Variants in SLC22A25 observed in about 807,000 individuals in gnomAD.
The protein encoded by SLC22A25 is MGI:2442751, MGI:2385316, MGI:3042283, MGI:3645714, MGI:3605624, MGI:2442750.
SLC22A25 carries 44 observed loss-of-function variants against 45.9 expected under a neutral mutation model. The observed-to-expected ratio is 0.96, with a 90% CI of 0.75 to 1.23. The LOEUF is 1.23. Ranked by LOEUF, SLC22A25 falls within the 50% of genes most tolerant of loss-of-function variation. SLC22A25 has a pLI of 0.00. For missense variants in SLC22A25, 800 were observed against 666.4 expected (o/e 1.20, Z -2.21); for synonymous variants, 283 against 238.6 (o/e 1.19, Z -1.72).
Position 63,166,173 on chromosome 11 carries a change from C to A in SLC22A25, c.1156G>T (p.Gly386Cys). Residue 386 changes from glycine (G) to cysteine (C), a missense_variant, in exon 10 of 12, where the codon GGT becomes TGT. Coordinates refer to ENST00000306494, the MANE Select transcript of SLC22A25 (RefSeq NM_199352.6). ...NNVFLLQTLF[G>C]AVTLLANCVA... Reference sequence around the variant, plus strand: ...CAATTGGCCAGGAGGGTGACTGCACCAAAGAGAGTCTGCAACAGGAAAACA... The same window carrying A: ...CAATTGGCCAGGAGGGTGACTGCACAAAAGAGAGTCTGCAACAGGAAAACA... 6.2e-7 allele frequency: 1 copy of A among 1,613,988 alleles called. No individual in the cohort carries two copies.
chr11:63,233,668 CT>C (rs1290777729), intron 3 of SLC22A25, among the ~76,000 whole-genome samples: 4 of 151,954 alleles, frequency 2.6e-5, no homozygotes, highest in African/African-American at 9.7e-5. Flanking sequence ...TATTTCTTGC[CT>C]TCTGCTAGGT....
intron 7 of SLC22A25, among the ~76,000 whole-genome samples, chr11:63,196,932 A>G (rs1018733837): frequency 1.3e-4 from 20 of 152,146 alleles, no homozygotes; most frequent in African/African-American, 4.1e-4. Context: ...TCAATGTGCA[A>G]AAATCACAAG....
chr11:63,220,052 G>A (rs1365305269), intron 5 of SLC22A25: 5 of 1,266,306 alleles, frequency 3.9e-6, no homozygotes, highest in Non-Finnish European at 4.1e-6. Context: ...CGGTAAGTTA[G>A]AGGGTACCCC....
At chr11:63,241,034 A>G (rs895774720) in intron 1 of SLC22A25, among the ~76,000 whole-genome samples, 19 of 152,342 alleles carry the variant, frequency 1.2e-4, no homozygotes, top group African/African-American at 4.3e-4. Context: ...CAGAAACAAC[A>G]TTCATGCTAT....
intron 7 of SLC22A25, among the ~76,000 whole-genome samples, chr11:63,197,190 T>C (rs1222176109): frequency 6.6e-6 from 1 of 152,120 alleles, no homozygotes; most frequent in Non-Finnish European, 1.5e-5. Context: ...CCAAGGTAAT[T>C]TATAGATTCA....
At chr11:63,193,415 G>T (rs544289933) in intron 7 of SLC22A25, among the ~76,000 whole-genome samples, 2 of 152,318 alleles carry the variant, frequency 1.3e-5, no homozygotes, top group Admixed American at 6.5e-5. Flanking sequence ...ATACAACTGG[G>T]TGCCCCCCTG....
intron 7 of SLC22A25, among the ~76,000 whole-genome samples, chr11:63,211,213 T>TA (rs755545862): frequency 1.4e-4 from 22 of 152,078 alleles, no homozygotes; most frequent in Non-Finnish European, 2.8e-4. Context: ...ACCCACTACC[T>TA]AGAGAGGAAA....
At position 63,163,785 on chromosome 11, in the gene SLC22A25, G is replaced by A. The variant is rs1415891539; in HGVS notation, c.*39C>T. The A allele has an allele frequency of 1.9e-6, 3 of 1,568,528 alleles. No individual in the cohort carries two copies. The highest frequency in any genetic ancestry group is 2.6e-6 in the Non-Finnish European group (3 of 1,159,942). On this transcript the variant is annotated 3_prime_UTR_variant, in exon 12 of 12. Transcript: ENST00000306494. ...CCAGATCTAAGCCTTTTTGGGGGAT[G>A]GTAGCCCTAAATGGTGTTTTGCTTT...
At chr11:63,226,366 G>T (rs1029918553) in intron 5 of SLC22A25, among the ~76,000 whole-genome samples, 1 of 152,166 alleles carries the variant, frequency 6.6e-6, no homozygotes, top group African/African-American at 2.4e-5. Context: ...CTGCATTAGG[G>T]GGCCTCCAAA....
chr11:63,159,453 G>C lies in SLC22A25; in HGVS notation c.*4371C>G, dbSNP rs4609608. 0.13 allele frequency among the ~76,000 whole-genome samples: 19,274 copies of C among 152,176 alleles called. 1,594 individuals are homozygous for C. The highest frequency in any genetic ancestry group is 0.18 in the Non-Finnish European group (12,547 of 68,018). ...AGATCTGAGGGTTTTATAAGGGGGA[G>C]TTTCCCTGCAGAAATTCTCTTTTCC... On this transcript the variant is annotated 3_prime_UTR_variant, in exon 12 of 12. Coordinates refer to ENST00000306494, the MANE Select transcript of SLC22A25 (RefSeq NM_199352.6).
chr11:63,189,362 T>C (rs1349039472), intron 7 of SLC22A25, among the ~76,000 whole-genome samples: 1 of 152,214 alleles, frequency 6.6e-6, no homozygotes, highest in Non-Finnish European at 1.5e-5. Context: ...AGACTAGGAT[T>C]GCTACCCCTG....
chr11:63,162,062 A>G lies in SLC22A25; in HGVS notation c.*1762T>C, dbSNP rs1206946661. On this transcript the variant is annotated 3_prime_UTR_variant, in exon 12 of 12. Transcript: ENST00000306494. The stretch of plus-strand genomic sequence containing the variant: ...TTTCCTATGACTGTTTGACATCTGT[A>G]TGTCTTCTTTTGAGAAATACCTATT... Among the ~76,000 whole-genome samples, 2 of 152,170 alleles carry G rather than the reference A, an allele frequency of 1.3e-5. No homozygotes were observed. The highest frequency in any genetic ancestry group is 2.1e-4 in the South Asian group (1 of 4,826).
intron 7 of SLC22A25, among the ~76,000 whole-genome samples, chr11:63,194,890 C>CAAAAAAAAAAAAA (rs796301840): frequency 8.7e-5 from 3 of 34,652 alleles, no homozygotes; most frequent in Non-Finnish European, 1.9e-4. Flanking sequence ...AAATGGAAAG[C>CAAAAAAAAAAAAA]AAAAAAAAAA....
At chr11:63,241,360 A>G (rs1244419178) in intron 1 of SLC22A25, among the ~76,000 whole-genome samples, 1 of 152,152 alleles carries the variant, frequency 6.6e-6, no homozygotes, top group Non-Finnish European at 1.5e-5. Flanking sequence ...CTCTGTCATT[A>G]TGGATATTTG....
intron 7 of SLC22A25, among the ~76,000 whole-genome samples, chr11:63,185,528 A>AT (rs1554972313): frequency 4.1e-5 from 6 of 146,764 alleles, no homozygotes; most frequent in Non-Finnish European, 6.0e-5. Flanking sequence ...TTCTTTTTTT[A>AT]TTTTTATTTT....
At chr11:63,187,868 ACCAG>A (rs771193515) in intron 7 of SLC22A25, among the ~76,000 whole-genome samples, 1 of 152,294 alleles carries the variant, frequency 6.6e-6, no homozygotes, top group East Asian at 1.9e-4. Context: ...CATAGGTTGA[ACCAG>A]CCTTGCATCC....
intron 1 of SLC22A25, 194 bp downstream of exon 1, chr11:63,243,240 G>A: frequency 8.9e-6 from 3 of 336,568 alleles, no homozygotes; most frequent in Non-Finnish European, 1.2e-5. Flanking sequence ...AGGCCATCCA[G>A]CCGTACATGC....
intron 7 of SLC22A25, among the ~76,000 whole-genome samples, chr11:63,213,329 A>C (rs2089627476): frequency 6.6e-6 from 1 of 152,166 alleles, no homozygotes; most frequent in African/African-American, 2.4e-5. Context: ...TGCCAGATGT[A>C]AAAAAAGCCC....
In SLC22A25 at chr11:63,160,376, G is replaced by A. The variant is rs2134699653; in HGVS notation, c.*3448C>T. Among the ~76,000 whole-genome samples, 1 of 152,332 alleles carries A rather than the reference G, an allele frequency of 6.6e-6. No homozygotes were observed. The highest frequency in any genetic ancestry group is 6.5e-5 in the Admixed American group (1 of 15,308). ...AGATCAGGCTGTGGCTTCAGAGGGT[G>A]CAAGCCCCAAGCCTTGACAGCTTCC... On this transcript the variant is annotated 3_prime_UTR_variant, in exon 12 of 12. Coordinates refer to ENST00000306494, the MANE Select transcript of SLC22A25 (RefSeq NM_199352.6).
Sources: gnomAD v4.1 joint callset for allele counts (sites outside exome capture counted in the v4.1 genomes callset) on GRCh38, gnomAD v4.1.1 for gene constraint, MANE v1.5 for transcripts, NCBI Gene and HGNC (gene_info 2026-07-23, HGNC 2026-07-21) for gene names.